KCTD1: variants seen among roughly 807,000 people sequenced by gnomAD.
The protein encoded by KCTD1 is BTB/POZ domain-containing protein KCTD1.
Under a neutral mutation model 66.0 loss-of-function variants are expected in KCTD1, and 24 were observed. That is an observed-to-expected ratio of 0.36 (90% CI 0.26 to 0.51). The LOEUF (loss-of-function observed/expected upper bound fraction) is 0.51, where lower values mean the gene tolerates loss of function less well. Ranked by LOEUF, KCTD1 falls within the 20% of genes least tolerant of loss-of-function variation. The probability of loss-of-function intolerance (pLI) is 0.95; values close to 1 mark genes in which losing one functional copy is unlikely to be tolerated. For synonymous variants in KCTD1, 511 were observed against 517.2 expected, an observed-to-expected ratio of 0.99 and a Z score of 0.16; for missense variants, 943 against 1,205.2, an observed-to-expected ratio of 0.78 and a Z score of 3.22.
At chr18:26,582,312 A>G (rs928674329) in intron 1 of KCTD1, among the ~76,000 whole-genome samples, 2 of 151,862 alleles carry the variant, frequency 1.3e-5, no homozygotes, top group Non-Finnish European at 2.9e-5. Flanking sequence ...CAGGCAATTT[A>G]TAGAAAGTAA....
At chr18:26,504,128 GTGAT>G (rs1346820082) in intron 1 of KCTD1, among the ~76,000 whole-genome samples, 5 of 151,856 alleles carry the variant, frequency 3.3e-5, no homozygotes, top group Admixed American at 1.3e-4. Flanking sequence ...GTGCAGTGGT[GTGAT>G]CAAAGCTGCT....
intron 1 of KCTD1, among the ~76,000 whole-genome samples, chr18:26,614,434 G>A (rs1987205125): frequency 6.6e-6 from 1 of 152,198 alleles, no homozygotes; most frequent in African/African-American, 2.4e-5. Flanking sequence ...AAAGCACAAC[G>A]GAAAAAGGGG....
intron 1 of KCTD1, among the ~76,000 whole-genome samples, chr18:26,608,762 A>T (rs769548427): frequency 4.9e-4 from 75 of 152,230 alleles, no homozygotes; most frequent in South Asian, 1.2e-3. Context: ...GATTATTTTG[A>T]AGAAGGAAAT....
chr18:26,577,642 G>C (rs1986255607), intron 1 of KCTD1, among the ~76,000 whole-genome samples: 1 of 151,982 alleles, frequency 6.6e-6, no homozygotes. Flanking sequence ...GAACTCCTGA[G>C]TTCAAGGATC....
intron 2 of KCTD1, among the ~76,000 whole-genome samples, chr18:26,489,855 CAT>C (rs1427721518): frequency 2.6e-5 from 4 of 152,152 alleles, no homozygotes; most frequent in East Asian, 1.9e-4. Context: ...ATATTTGTCA[CAT>C]GTTAACGTTG....
At chr18:26,580,027 T>C (rs1450162530) in intron 1 of KCTD1, among the ~76,000 whole-genome samples, 2 of 152,174 alleles carry the variant, frequency 1.3e-5, no homozygotes, top group Non-Finnish European at 2.9e-5. Context: ...GTAAGTTCCA[T>C]TTTTAGTAAG....
intron 2 of KCTD1, among the ~76,000 whole-genome samples, chr18:26,492,501 T>TGTGTGCCTGTA (rs1227235882): frequency 6.6e-5 from 10 of 151,932 alleles, no homozygotes; most frequent in Non-Finnish European, 1.0e-4. Context: ...AATGTGGTGG[T>TGTGTGCCTGTA]GTGTGCCTGT....
At chr18:26,501,024 A>G (rs376849285) in intron 2 of KCTD1, 48 bp downstream of exon 2, 12 of 1,587,524 alleles carry the variant, frequency 7.6e-6, no homozygotes, top group Non-Finnish European at 9.4e-6. Context: ...AAAACAGGTT[A>G]CCAAATACAT....
At chr18:26,607,948 G>A (rs1987053862) in intron 1 of KCTD1, among the ~76,000 whole-genome samples, 1 of 151,924 alleles carries the variant, frequency 6.6e-6, no homozygotes, top group African/African-American at 2.4e-5. Context: ...TTAAAAATTT[G>A]TTTGTAGAGT....
chr18:26,626,120 T>C (rs556174789), intron 1 of KCTD1, among the ~76,000 whole-genome samples: 1 of 151,824 alleles, frequency 6.6e-6, no homozygotes, highest in African/African-American at 2.4e-5. Context: ...GGATCCTTCC[T>C]TAATGGGACA....
At chr18:26,556,528 A>G (rs1255073029) in intron 1 of KCTD1, among the ~76,000 whole-genome samples, 2 of 152,252 alleles carry the variant, frequency 1.3e-5, no homozygotes, top group East Asian at 1.9e-4. Flanking sequence ...AATGTGGTTT[A>G]TCATTCTTTT....
intron 1 of KCTD1, among the ~76,000 whole-genome samples, chr18:26,609,644 G>A (rs1045905661): frequency 2.0e-5 from 3 of 152,144 alleles, no homozygotes; most frequent in Admixed American, 6.5e-5. Flanking sequence ...CTCTAAAAGC[G>A]GGTAGTTCAG....
At chr18:26,619,033 A>G (rs913721656) in intron 1 of KCTD1, among the ~76,000 whole-genome samples, 21 of 152,204 alleles carry the variant, frequency 1.4e-4, no homozygotes, top group African/African-American at 4.6e-4. Flanking sequence ...GTCTTGGATA[A>G]TTATTGTCTA....
chr18:26,529,903 A>G (rs1291238728), intron 1 of KCTD1, among the ~76,000 whole-genome samples: 1 of 152,236 alleles, frequency 6.6e-6, no homozygotes, highest in East Asian at 1.9e-4. Context: ...CTATGTCCTA[A>G]TAGTAACAGA....
intron 1 of KCTD1, among the ~76,000 whole-genome samples, chr18:26,627,729 C>T (rs1370911): frequency 0.21 from 31,512 of 152,180 alleles, 3,798 homozygotes; most frequent in Middle Eastern, 0.31. Context: ...GGCTTAGATG[C>T]TGCATTTGAA....
At chr18:26,619,748 C>G (rs1987332388) in intron 1 of KCTD1, among the ~76,000 whole-genome samples, 1 of 152,166 alleles carries the variant, frequency 6.6e-6, no homozygotes, top group African/African-American at 2.4e-5. Flanking sequence ...GGACATGGCC[C>G]TGTCTGCATC....
At chr18:26,578,057 C>CTTTTTTTT (rs11381611) in intron 1 of KCTD1, among the ~76,000 whole-genome samples, 5 of 117,032 alleles carry the variant, frequency 4.3e-5, no homozygotes, top group Non-Finnish European at 6.8e-5. Flanking sequence ...TCTTTTCTTT[C>CTTTTTTTT]TTTTTTTTTT....
At chr18:26,532,404 C>T (rs1326882322) in intron 1 of KCTD1, among the ~76,000 whole-genome samples, 2 of 151,544 alleles carry the variant, frequency 1.3e-5, no homozygotes, top group Non-Finnish European at 2.9e-5. Context: ...GCTGGGAGTA[C>T]AGACATGCAC....
upstream of KCTD1, among the ~76,000 whole-genome samples, chr18:26,640,617 A>T (rs1987815275): frequency 6.6e-6 from 1 of 152,144 alleles, no homozygotes; most frequent in Admixed American, 6.5e-5. Context: ...GAAAGAAAAG[A>T]ATCAGGAAAA....
Sources: gnomAD v4.1 joint callset for allele counts (sites outside exome capture counted in the v4.1 genomes callset) on GRCh38, gnomAD v4.1.1 for gene constraint, MANE v1.5 for transcripts, NCBI Gene and HGNC (gene_info 2026-07-23, HGNC 2026-07-21) for gene names.